Variants in COL8A1 observed in about 807,000 individuals in gnomAD.
COL8A1 encodes collagen type VIII alpha 1 chain.
COL8A1 carries 21 observed loss-of-function variants against 42.7 expected under a neutral mutation model. The observed-to-expected ratio is 0.49, with a 90% CI of 0.35 to 0.71. The LOEUF is 0.71. Among genes scored for constraint, COL8A1 ranks in the 30% least tolerant of loss-of-function variants. The pLI is 0.01. For synonymous variants in COL8A1, 367 were observed against 369.1 expected (o/e 0.99, Z 0.06); for missense variants, 788 against 962.4 (o/e 0.82, Z 2.40).
At chr3:99,693,306 T>A (rs959811891) in intron 1 of COL8A1, among the ~76,000 whole-genome samples, 2 of 152,288 alleles carry the variant, frequency 1.3e-5, no homozygotes, top group African/African-American at 4.8e-5. Context: ...ATTTTTATCA[T>A]TATTTTAGAG....
chr3:99,708,695 G>A (rs1400308863), intron 1 of COL8A1, among the ~76,000 whole-genome samples: 1 of 152,082 alleles, frequency 6.6e-6, no homozygotes, highest in African/African-American at 2.4e-5. Flanking sequence ...ACAAGGACCT[G>A]TTGACACCTC....
chr3:99,648,024 G>A (rs929131362), intron 1 of COL8A1, among the ~76,000 whole-genome samples: 1 of 152,158 alleles, frequency 6.6e-6, no homozygotes, highest in East Asian at 1.9e-4. Context: ...AAAGGAGAAG[G>A]GAGAAATTCA....
chr3:99,758,988 T>C (rs1941313383), intron 2 of COL8A1, among the ~76,000 whole-genome samples: 1 of 152,144 alleles, frequency 6.6e-6, no homozygotes, highest in South Asian at 2.1e-4. Context: ...GCCTGTACAC[T>C]GTCCAGAGAG....
chr3:99,769,050 G>A (rs1941526551), intron 2 of COL8A1, among the ~76,000 whole-genome samples: 1 of 152,178 alleles, frequency 6.6e-6, no homozygotes, highest in Non-Finnish European at 1.5e-5. Flanking sequence ...GGTATAAAGA[G>A]CACAGCATAT....
At chr3:99,708,778 G>C (rs1317520683) in intron 1 of COL8A1, among the ~76,000 whole-genome samples, 1 of 152,068 alleles carries the variant, frequency 6.6e-6, no homozygotes, top group Non-Finnish European at 1.5e-5. Context: ...GCTTATAAAG[G>C]CATTTTCCAA....
At chr3:99,690,777 T>C (rs576273581) in intron 1 of COL8A1, among the ~76,000 whole-genome samples, 2 of 152,342 alleles carry the variant, frequency 1.3e-5, no homozygotes, top group South Asian at 2.1e-4. Context: ...GGAGCATGAA[T>C]GGACAGCTGT....
chr3:99,729,309 T>G (rs1170274398), intron 1 of COL8A1, among the ~76,000 whole-genome samples: 2 of 152,058 alleles, frequency 1.3e-5, no homozygotes, highest in African/African-American at 2.4e-5. Flanking sequence ...ACACCTACCT[T>G]CTTTATTCCA....
At chr3:99,673,340 A>G (rs540646941) in intron 1 of COL8A1, among the ~76,000 whole-genome samples, 1 of 152,186 alleles carries the variant, frequency 6.6e-6, no homozygotes, top group Admixed American at 6.5e-5. Flanking sequence ...CTCCTTGATC[A>G]AGAGTAAAAG....
chr3:99,737,291 G>A (rs1361309568), intron 1 of COL8A1, among the ~76,000 whole-genome samples: 1 of 151,654 alleles, frequency 6.6e-6, no homozygotes, highest in Admixed American at 6.6e-5. Flanking sequence ...TGGTTATGTT[G>A]CTCATTAGTT....
chr3:99,790,201 G>A (rs1256044775), intron 2 of COL8A1, among the ~76,000 whole-genome samples: 2 of 152,158 alleles, frequency 1.3e-5, no homozygotes, highest in Non-Finnish European at 2.9e-5. Flanking sequence ...CAAGATGTGT[G>A]GTCTGTTTCC....
intron 1 of COL8A1, among the ~76,000 whole-genome samples, chr3:99,680,783 A>G (rs2107322680): frequency 6.6e-6 from 1 of 152,318 alleles, no homozygotes; most frequent in South Asian, 2.1e-4. Flanking sequence ...ACTGGTACCA[A>G]AACAGAGATA....
At chr3:99,683,510 A>G (rs1156572377) in intron 1 of COL8A1, among the ~76,000 whole-genome samples, 1 of 152,220 alleles carries the variant, frequency 6.6e-6, no homozygotes, top group African/African-American at 2.4e-5. Flanking sequence ...AGAAAGACCT[A>G]TAATTAGGCA....
At chr3:99,701,902 A>C (rs1013415389) in intron 1 of COL8A1, among the ~76,000 whole-genome samples, 1 of 152,202 alleles carries the variant, frequency 6.6e-6, no homozygotes, top group Admixed American at 6.5e-5. Flanking sequence ...TGAAAAACTT[A>C]ATTAGAAAGT....
intron 2 of COL8A1, among the ~76,000 whole-genome samples, chr3:99,773,135 T>C (rs923574270): frequency 1.3e-5 from 2 of 152,228 alleles, no homozygotes; most frequent in Non-Finnish European, 2.9e-5. Context: ...TCTAGCGCAG[T>C]GTCAGAACTT....
chr3:99,764,942 A>T (rs367616905), intron 2 of COL8A1, among the ~76,000 whole-genome samples: 1 of 152,122 alleles, frequency 6.6e-6, no homozygotes, highest in African/African-American at 2.4e-5. Context: ...ATTCAAGTAT[A>T]AATATGGTAC....
intron 1 of COL8A1, among the ~76,000 whole-genome samples, chr3:99,712,603 G>A (rs1474783404): frequency 6.6e-6 from 1 of 152,194 alleles, no homozygotes; most frequent in African/African-American, 2.4e-5. Flanking sequence ...CAGAGATGAT[G>A]GCATAAAAGG....
intron 1 of COL8A1, among the ~76,000 whole-genome samples, chr3:99,688,306 A>G (rs899802153): frequency 2.0e-5 from 3 of 151,610 alleles, no homozygotes; most frequent in Admixed American, 1.3e-4. Context: ...CAAGGTGTCA[A>G]TAGGGCTGCA....
At chr3:99,759,522 A>G (rs765268077) in intron 2 of COL8A1, among the ~76,000 whole-genome samples, 1 of 152,198 alleles carries the variant, frequency 6.6e-6, no homozygotes, top group Non-Finnish European at 1.5e-5. Flanking sequence ...TTTTCATTCT[A>G]TGATTCAATA....
intron 1 of COL8A1, among the ~76,000 whole-genome samples, chr3:99,708,801 C>T (rs774754739): frequency 2.8e-4 from 42 of 152,098 alleles, no homozygotes; most frequent in Non-Finnish European, 2.9e-5. Flanking sequence ...ACTTCATTTC[C>T]AGTAGTGGGA....
Sources: gnomAD v4.1 joint callset for allele counts (sites outside exome capture counted in the v4.1 genomes callset) on GRCh38, gnomAD v4.1.1 for gene constraint, MANE v1.5 for transcripts, NCBI Gene and HGNC (gene_info 2026-07-23, HGNC 2026-07-21) for gene names.